FAT3: variants seen among roughly 807,000 people sequenced by gnomAD.
FAT3 encodes protocadherin Fat 3.
FAT3 carries 95 observed loss-of-function variants against 310.2 expected under a neutral mutation model. The ratio of observed to expected loss-of-function variants is 0.31; its 90% confidence interval spans 0.26 to 0.36. FAT3 has a LOEUF of 0.36. Ranked by LOEUF, FAT3 falls within the 10% of genes least tolerant of loss-of-function variation. The pLI, the probability that FAT3 is intolerant of heterozygous loss-of-function variation, is 1.00. For synonymous variants in FAT3, 2,314 were observed against 2,192.9 expected, an observed-to-expected ratio of 1.06 and a Z score of -1.54; for missense variants, 5,408 against 5,715.6, an observed-to-expected ratio of 0.95 and a Z score of 1.74.
intron 1 of FAT3, among the ~76,000 whole-genome samples, chr11:92,315,546 GA>G (rs1947436202): frequency 6.8e-6 from 1 of 146,062 alleles, no homozygotes; most frequent in Non-Finnish European, 1.5e-5. Flanking sequence ...GAGAGAGAGA[GA>G]GAGAGAGACT....
intron 1 of FAT3, among the ~76,000 whole-genome samples, chr11:92,345,212 G>T (rs1948381163): frequency 6.6e-6 from 1 of 152,034 alleles, no homozygotes; most frequent in Admixed American, 6.6e-5. Flanking sequence ...AATGGTGTAT[G>T]CTGACTAGCC....
intron 3 of FAT3, among the ~76,000 whole-genome samples, chr11:92,674,454 CT>C (rs1680485537): frequency 6.6e-6 from 1 of 151,940 alleles, no homozygotes; most frequent in African/African-American, 2.4e-5. Context: ...TCTTTTCCCC[CT>C]ACTCACTCTA....
At chr11:92,750,560 G>A (rs529719131) in intron 4 of FAT3, among the ~76,000 whole-genome samples, 15 of 152,214 alleles carry the variant, frequency 9.9e-5, no homozygotes, top group Non-Finnish European at 1.6e-4. Context: ...CAGTCATTTC[G>A]AAGTTACAAA....
At chr11:92,606,069 TAGAC>T (rs1265343433) in intron 3 of FAT3, among the ~76,000 whole-genome samples, 9 of 152,160 alleles carry the variant, frequency 5.9e-5, no homozygotes, top group Admixed American at 4.6e-4. Flanking sequence ...TTTCCATCAT[TAGAC>T]AGAGTGTCAA....
At chr11:92,760,821 A>T (rs1048649020) in intron 4 of FAT3, among the ~76,000 whole-genome samples, 2 of 152,210 alleles carry the variant, frequency 1.3e-5, no homozygotes, top group Admixed American at 1.3e-4. Flanking sequence ...TAGGATGCAA[A>T]GTCTATATAT....
intron 3 of FAT3, among the ~76,000 whole-genome samples, chr11:92,634,307 A>G (rs894700530): frequency 2.0e-5 from 3 of 151,958 alleles, no homozygotes; most frequent in Non-Finnish European, 2.9e-5. Flanking sequence ...TTTGTTTTCT[A>G]TTTCCCTATC....
At position 92,806,360 on chromosome 11, in the gene FAT3, A is replaced by G; in HGVS notation, c.9094-2A>G. 2 of 1,597,554 alleles carry G rather than the reference A, an allele frequency of 1.3e-6. No homozygotes were observed. Among genetic ancestry groups the G allele is most frequent in the Non-Finnish European group, 1.7e-6 (2 of 1,171,228 alleles). On this transcript the variant is annotated splice_acceptor_variant, in intron 11 of 27. Coordinates refer to ENST00000525166, the MANE Select transcript of FAT3 (RefSeq NM_001367949.2). LOFTEE classifies it high-confidence loss of function. ...TTATTACCTTTCTTCACCTTTGTCC[A>G]GGTTGCATATACAGCATTACTTCCT... is the stretch of plus-strand genomic sequence containing the variant.
intron 2 of FAT3, among the ~76,000 whole-genome samples, chr11:92,424,042 G>A (rs1447065280): frequency 1.3e-5 from 2 of 152,054 alleles, no homozygotes; most frequent in Non-Finnish European, 2.9e-5. Flanking sequence ...ACAAATGGAG[G>A]GTGGACACCT....
In FAT3 at chr11:92,445,554, A is replaced by T. The variant is rs149450507; in HGVS notation, c.3293-79080A>T. ...AACCCATATGGATCAATAATGGTCC[A>T]CTGTGACTCACCCTTAGAATCATCT... On this transcript the variant is annotated intron_variant, in intron 2 of 27. Transcript: ENST00000525166. 9.8e-5 allele frequency among the ~76,000 whole-genome samples: 15 copies of T among 152,294 alleles called. No individual in the cohort carries two copies. The East Asian group carries it at 2.9e-3, about 29-fold the overall frequency.
In FAT3 at chr11:92,889,153, C is replaced by G. The variant is rs1367388308; in HGVS notation, c.13052-36C>G. 2.7e-5 allele frequency: 19 copies of G among 697,820 alleles called. No homozygotes were observed. In the Admixed American group the frequency reaches 3.9e-4, roughly 14 times the overall value. The allele number at this position is 697,820 out of a possible 1,614,324, so 43.2% of individuals were successfully genotyped here. On this transcript the variant is annotated intron_variant, in intron 25 of 27. Transcript: ENST00000525166. ...AATATACAACTAACCTGAAGCTGTCCTTCCCCTACCTCCGACTTCTTTTCC... is the reference window on the plus strand; with the variant it reads ...AATATACAACTAACCTGAAGCTGTCGTTCCCCTACCTCCGACTTCTTTTCC...
intron 2 of FAT3, among the ~76,000 whole-genome samples, chr11:92,495,842 G>A (rs1173797433): frequency 6.6e-6 from 1 of 152,066 alleles, no homozygotes; most frequent in Non-Finnish European, 1.5e-5. Context: ...ACAGAGCTGT[G>A]TAGTGTGAGC....
intron 2 of FAT3, among the ~76,000 whole-genome samples, chr11:92,365,915 T>A (rs192237513): frequency 6.6e-6 from 1 of 152,380 alleles, no homozygotes; most frequent in Non-Finnish European, 1.5e-5. Context: ...TGTTTTGGAT[T>A]ATTTATATAC....
chr11:92,271,584 C>CT (rs1411619317), intron 1 of FAT3, among the ~76,000 whole-genome samples: 2 of 152,050 alleles, frequency 1.3e-5, no homozygotes, highest in African/African-American at 4.8e-5. Context: ...GGAAATCTGT[C>CT]TGTTTCACTG....
chr11:92,650,289 T>C (rs553596097), intron 3 of FAT3, among the ~76,000 whole-genome samples: 57 of 152,246 alleles, frequency 3.7e-4, no homozygotes, highest in African/African-American at 1.3e-3. Flanking sequence ...GATCTTAACT[T>C]CCTGATGACA....
intron 3 of FAT3, among the ~76,000 whole-genome samples, chr11:92,662,494 T>A (rs1942820513): frequency 6.6e-6 from 1 of 152,230 alleles, no homozygotes; most frequent in South Asian, 2.1e-4. Flanking sequence ...CAACTGAGGT[T>A]ACAGCCTGGA....
rs187103177 is a variant in FAT3, at chr11:92,302,098, A to T, written c.-17-49998A>T. Among the ~76,000 whole-genome samples, 721 of 152,252 alleles carry T rather than the reference A, an allele frequency of 4.7e-3. 6 individuals carry two copies. The highest frequency in any genetic ancestry group is 0.017 in the African/African-American group (697 of 41,560). ...ATTCACATGGTAAATATGTATATACATACTCATGGTTATGGTATATGACCT... is the reference window on the plus strand; with the variant it reads ...ATTCACATGGTAAATATGTATATACTTACTCATGGTTATGGTATATGACCT... On this transcript the variant is annotated intron_variant, in intron 1 of 27. Coordinates refer to ENST00000525166, the MANE Select transcript of FAT3 (RefSeq NM_001367949.2).
At chr11:92,312,766 C>T (rs930756481) in intron 1 of FAT3, among the ~76,000 whole-genome samples, 12 of 152,122 alleles carry the variant, frequency 7.9e-5, no homozygotes, top group African/African-American at 2.7e-4. Context: ...CCATACATGT[C>T]GGATGCAAAA....
chr11:92,759,925 A>T (rs893067969), intron 4 of FAT3, among the ~76,000 whole-genome samples: 1 of 152,114 alleles, frequency 6.6e-6, no homozygotes, highest in African/African-American at 2.4e-5. Flanking sequence ...CGATGAAGAC[A>T]TTGAGAGTTG....
intron 2 of FAT3, among the ~76,000 whole-genome samples, chr11:92,395,610 G>A (rs1565283283): frequency 1.4e-5 from 2 of 147,424 alleles, no homozygotes; most frequent in Non-Finnish European, 3.0e-5. Flanking sequence ...ATAGAGTCTC[G>A]CTCTGTCACC....
Sources: gnomAD v4.1 joint callset for allele counts (sites outside exome capture counted in the v4.1 genomes callset) on GRCh38, gnomAD v4.1.1 for gene constraint, MANE v1.5 for transcripts, NCBI Gene and HGNC (gene_info 2026-07-23, HGNC 2026-07-21) for gene names.